Variants in CERS6 observed in about 807,000 individuals in gnomAD.
CERS6 encodes the protein LAG1 homolog, ceramide synthase 6.
A neutral mutation model predicts 56.8 loss-of-function variants in CERS6; 26 were observed. That is an observed-to-expected ratio of 0.46 (90% CI 0.34 to 0.63). The LOEUF is 0.63. Ranked by LOEUF, CERS6 falls within the 30% of genes least tolerant of loss-of-function variation. The pLI is 0.01. For synonymous variants in CERS6, 164 were observed against 173.3 expected, an observed-to-expected ratio of 0.95 and a Z score of 0.42; for missense variants, 415 against 467.5, an observed-to-expected ratio of 0.89 and a Z score of 1.04.
intron 3 of CERS6, among the ~76,000 whole-genome samples, chr2:168,626,360 T>C (rs1684590714): frequency 6.6e-6 from 1 of 152,200 alleles, no homozygotes; most frequent in Non-Finnish European, 1.5e-5. Flanking sequence ...ATGATTCCCC[T>C]GCTTCTGCTG....
At chr2:168,710,765 G>A (rs1242924907) in intron 6 of CERS6, among the ~76,000 whole-genome samples, 2 of 152,230 alleles carry the variant, frequency 1.3e-5, no homozygotes, top group Non-Finnish European at 2.9e-5. Flanking sequence ...AATTTCAGAA[G>A]TAGGTAAAAC....
chr2:168,543,894 T>C (rs1306883840), intron 1 of CERS6, among the ~76,000 whole-genome samples: 1 of 152,172 alleles, frequency 6.6e-6, no homozygotes, highest in Non-Finnish European at 1.5e-5. Context: ...GTGGTCAGTC[T>C]CCTACCTTCT....
intron 4 of CERS6, among the ~76,000 whole-genome samples, chr2:168,676,300 C>A (rs1286393705): frequency 6.6e-6 from 1 of 152,090 alleles, no homozygotes; most frequent in Non-Finnish European, 1.5e-5. Context: ...TAATCTCTTC[C>A]TTTGAATGGC....
chr2:168,736,057 CTG>C (rs1683708025), intron 8 of CERS6, among the ~76,000 whole-genome samples: 1 of 151,968 alleles, frequency 6.6e-6, no homozygotes, highest in Non-Finnish European at 1.5e-5. Context: ...CTATGAAAAA[CTG>C]TAAAAATTAA....
intron 3 of CERS6, among the ~76,000 whole-genome samples, chr2:168,597,244 G>T (rs1209760315): frequency 6.6e-6 from 1 of 152,076 alleles, no homozygotes; most frequent in Non-Finnish European, 1.5e-5. Context: ...TGACAGTAGA[G>T]CATTATTTAT....
chr2:168,638,942 A>C (rs901919351), intron 4 of CERS6, among the ~76,000 whole-genome samples: 2 of 152,300 alleles, frequency 1.3e-5, no homozygotes, highest in East Asian at 1.9e-4. Context: ...GCTCTTTTGT[A>C]ATTATACAAG....
chr2:168,644,695 G>A (rs76876822), intron 4 of CERS6, among the ~76,000 whole-genome samples: 12 of 152,212 alleles, frequency 7.9e-5, no homozygotes, highest in African/African-American at 2.9e-4. Flanking sequence ...TTTCAGGCAG[G>A]TAAACCATTT....
rs80214650 is a variant in CERS6 at position 168,716,436 on chromosome 2, C to G, written c.738+1307C>G. Among the ~76,000 whole-genome samples, 898 of 151,926 alleles carry G rather than the reference C, an allele frequency of 5.9e-3. 9 individuals carry two copies. The highest frequency in any genetic ancestry group is 0.031 in the Middle Eastern group (9 of 294). On this transcript the variant is annotated intron_variant, in intron 7 of 9. Coordinates refer to ENST00000305747, the MANE Select transcript of CERS6 (RefSeq NM_203463.3). ...CATGATGTTTGGTAGTGCCATGATT[C>G]AAAAAATTTCTAATCAAGTTCCACT...
At chr2:168,487,998 G>T (rs930948370) in intron 1 of CERS6, among the ~76,000 whole-genome samples, 1 of 152,140 alleles carries the variant, frequency 6.6e-6, no homozygotes, top group Non-Finnish European at 1.5e-5. Flanking sequence ...GGGATTACAG[G>T]CATTAACCAC....
intron 2 of CERS6, among the ~76,000 whole-genome samples, chr2:168,557,461 A>G (rs973367308): frequency 6.6e-6 from 1 of 152,204 alleles, no homozygotes; most frequent in Admixed American, 6.5e-5. Flanking sequence ...TAGAAAAAGT[A>G]TAAAGATTTC....
At chr2:168,486,519 G>GTTTT (rs200121622) in intron 1 of CERS6, among the ~76,000 whole-genome samples, 1 of 130,974 alleles carries the variant, frequency 7.6e-6, no homozygotes, top group Non-Finnish European at 1.6e-5. Context: ...TCTAGATTTG[G>GTTTT]TTTTGTTTTT....
Position 168,730,996 on chromosome 2 carries a change from A to G in CERS6, c.845+13018A>G, listed in dbSNP as rs79455191. Among the ~76,000 whole-genome samples the G allele has an allele frequency of 7.5e-3, 1,147 of 152,326 alleles. 13 individuals carry two copies. The highest frequency in any genetic ancestry group is 0.044 in the Middle Eastern group (13 of 294). ...AGAAATGATTCTGCATACATTCCAT[A>G]TAAGAATGACCAGACTGAAACAATT... On this transcript the variant is annotated intron_variant, in intron 8 of 9. Transcript: ENST00000305747.
intron 1 of CERS6, among the ~76,000 whole-genome samples, chr2:168,492,697 T>G (rs548500435): frequency 6.6e-6 from 1 of 152,326 alleles, no homozygotes; most frequent in Admixed American, 6.5e-5. Flanking sequence ...GCCATGCCTA[T>G]GTCCTGAATG....
chr2:168,609,591 G>T (rs1684135253), intron 3 of CERS6, among the ~76,000 whole-genome samples: 1 of 152,114 alleles, frequency 6.6e-6, no homozygotes, highest in Non-Finnish European at 1.5e-5. Context: ...CCATGGAGTG[G>T]GGACCTTCAT....
intron 8 of CERS6, among the ~76,000 whole-genome samples, chr2:168,757,538 A>G (rs1684451305): frequency 6.6e-6 from 1 of 152,120 alleles, no homozygotes; most frequent in Admixed American, 6.5e-5. Flanking sequence ...GCTAAATGAA[A>G]GAGAGATTAT....
chr2:168,561,436 G>A (rs1574066909), intron 3 of CERS6, 114 bp downstream of exon 3: 1 of 1,176,742 alleles, frequency 8.5e-7, no homozygotes. Flanking sequence ...CTGCAATCTG[G>A]TGGGAAAATA....
At chr2:168,505,228 A>G (rs1187862563) in intron 1 of CERS6, among the ~76,000 whole-genome samples, 1 of 151,738 alleles carries the variant, frequency 6.6e-6, no homozygotes, top group Non-Finnish European at 1.5e-5. Context: ...AAATGCAAAA[A>G]AAAATTAGCT....
intron 1 of CERS6, among the ~76,000 whole-genome samples, chr2:168,490,882 A>G (rs1284027494): frequency 2.0e-5 from 3 of 152,232 alleles, no homozygotes; most frequent in Non-Finnish European, 2.9e-5. Context: ...AGAGTTTGCA[A>G]AGAAGATCCA....
chr2:168,742,100 T>C (rs956320283), intron 8 of CERS6, among the ~76,000 whole-genome samples: 1 of 152,212 alleles, frequency 6.6e-6, no homozygotes, highest in African/African-American at 2.4e-5. Context: ...TAACATTTCA[T>C]TGGTGTTGCA....
Sources: allele counts gnomAD v4.1 joint callset (sites outside exome capture counted in the v4.1 genomes callset), GRCh38; gene constraint gnomAD v4.1.1; transcripts MANE v1.5; gene names NCBI Gene and HGNC (gene_info 2026-07-23, HGNC 2026-07-21).